Variants in TMEM182 observed in about 807,000 individuals in gnomAD.
TMEM182 encodes transmembrane protein 182.
A neutral mutation model predicts 26.8 loss-of-function variants in TMEM182; 20 were observed. That is an observed-to-expected ratio of 0.75 (90% CI 0.53 to 1.09). TMEM182 has a LOEUF of 1.09. TMEM182 is among the 50% of genes least tolerant of loss of function. The probability of loss-of-function intolerance (pLI) is 0.00; values close to 1 mark genes in which losing one functional copy is unlikely to be tolerated. For synonymous variants in TMEM182, 109 were observed against 102.2 expected, an observed-to-expected ratio of 1.07 and a Z score of -0.40; for missense variants, 277 against 275.5, an observed-to-expected ratio of 1.01 and a Z score of -0.04.
At chr2:102,826,709 T>C (rs569972966) in intron 3 of TMEM182, among the ~76,000 whole-genome samples, 199 of 152,234 alleles carry the variant, frequency 1.3e-3, no homozygotes, top group African/African-American at 4.6e-3. Context: ...TCCTCATTCC[T>C]CCACTCATCT....
At chr2:102,784,639 T>C (rs1681312609) in intron 3 of TMEM182, among the ~76,000 whole-genome samples, 1 of 152,244 alleles carries the variant, frequency 6.6e-6, no homozygotes, top group Non-Finnish European at 1.5e-5. Context: ...AAAGAATGGC[T>C]ACTCCATAGA....
chr2:102,821,400 C>T (rs927685083), downstream of TMEM182, among the ~76,000 whole-genome samples: 4 of 152,010 alleles, frequency 2.6e-5, no homozygotes, highest in Admixed American at 6.5e-5. Context: ...TGAGTTCTCA[C>T]GAGTTGTAAT....
chr2:102,740,950 G>C (rs994409154), intron 1 of TMEM182, among the ~76,000 whole-genome samples: 1 of 152,170 alleles, frequency 6.6e-6, no homozygotes, highest in Non-Finnish European at 1.5e-5. Context: ...GAGTGAAGAA[G>C]CCAAATGAAA....
intron 3 of TMEM182, among the ~76,000 whole-genome samples, chr2:102,772,939 G>GGT (rs71948151): frequency 0.11 from 16,194 of 147,900 alleles, 1,243 homozygotes; most frequent in African/African-American, 0.23. Flanking sequence ...CTCTCTGAAG[G>GGT]GTGTGTGTGT....
In TMEM182 at chr2:102,754,206, G is replaced by A. The variant is rs74678512; in HGVS notation, c.-82-4183G>A. Among the ~76,000 whole-genome samples the A allele has an allele frequency of 1.9e-3, 285 of 152,178 alleles. 4 individuals carry two copies. The East Asian group carries it at 0.047, about 25-fold the overall frequency. ...ACAGTCCCTTATGTGTAATCCTTTG[G>A]GCCAGATGTGTTTAGAACTCAGAAT... On this transcript the variant is annotated intron_variant, in intron 1 of 5. Transcript: ENST00000409173.
intron 3 of TMEM182, among the ~76,000 whole-genome samples, chr2:102,829,295 A>G (rs1164369996): frequency 6.6e-6 from 1 of 152,198 alleles, no homozygotes; most frequent in Non-Finnish European, 1.5e-5. Flanking sequence ...TCCCTAGTTT[A>G]TGCCACAGGA....
At chr2:102,799,171 G>A (rs1682006864) in intron 4 of TMEM182, among the ~76,000 whole-genome samples, 1 of 152,210 alleles carries the variant, frequency 6.6e-6, no homozygotes, top group South Asian at 2.1e-4. Context: ...AAACCAGAGT[G>A]ACAGAGTGCT....
downstream of TMEM182, among the ~76,000 whole-genome samples, chr2:102,819,244 C>T (rs1395698938): frequency 1.3e-5 from 2 of 152,146 alleles, no homozygotes; most frequent in South Asian, 2.1e-4. Context: ...ATGTTAAAAA[C>T]GACCTAAATG....
chr2:102,838,931 C>A (rs953407599), intron 3 of TMEM182, among the ~76,000 whole-genome samples: 2 of 152,128 alleles, frequency 1.3e-5, no homozygotes, highest in Admixed American at 1.3e-4. Context: ...TAAAAAACTG[C>A]CATCTTCGCC....
rs914357314 is a variant in TMEM182, at chr2:102,817,435, T to A, written c.*2467T>A. On this transcript the variant is annotated 3_prime_UTR_variant, in exon 5 of 5. Coordinates refer to ENST00000412401, the MANE Select transcript of TMEM182 (RefSeq NM_144632.5). ...GGTGAAAGCTATCATCTCTCCATAT[T>A]GTATTTGTTCAGCTGGTTTAATTCA... 4.4e-5 allele frequency: 43 copies of A among 985,336 alleles called. No homozygotes were observed. The highest frequency in any genetic ancestry group is 5.1e-5 in the Non-Finnish European group (42 of 829,936). 61.0% of individuals were successfully genotyped at this position (985,336 alleles called of 1,614,324 possible). A position where few individuals can be genotyped will look rare whatever the true frequency, so the allele number is the denominator to read the frequency against.
intron 3 of TMEM182, among the ~76,000 whole-genome samples, chr2:102,764,681 A>G (rs995384257): frequency 2.0e-5 from 3 of 152,134 alleles, no homozygotes; most frequent in African/African-American, 7.2e-5. Context: ...GTGTTTTCCC[A>G]TATGAAGATA....
chr2:102,804,554 G>A (rs1682275621), intron 4 of TMEM182, among the ~76,000 whole-genome samples: 1 of 152,070 alleles, frequency 6.6e-6, no homozygotes, highest in South Asian at 2.1e-4. Context: ...TCCACTTGTT[G>A]GTTGATGGGC....
At chr2:102,778,963 G>A (rs907842651) in intron 3 of TMEM182, among the ~76,000 whole-genome samples, 4 of 151,918 alleles carry the variant, frequency 2.6e-5, no homozygotes, top group Non-Finnish European at 5.9e-5. Flanking sequence ...GTGTTTTTCT[G>A]TTATTTTGCT....
In TMEM182 at chr2:102,764,199, A is replaced by C. The variant is rs1680332080; in HGVS notation, c.233-130A>C. 6 of 855,036 alleles carry C rather than the reference A, an allele frequency of 7.0e-6. No individual in the cohort carries two copies. The South Asian group carries it at 1.0e-4, about 14-fold the overall frequency. The allele number at this position is 855,036 out of a possible 1,614,324, so 53.0% of individuals were successfully genotyped here. ...CCTTCCTCCTCACAACAATTCGCTGAATTTGCTGATGGAACCAGTAGTTTT... is the reference window on the plus strand; with the variant it reads ...CCTTCCTCCTCACAACAATTCGCTGCATTTGCTGATGGAACCAGTAGTTTT... On this transcript the variant is annotated intron_variant, in intron 2 of 4. Transcript: ENST00000412401.
chr2:102,753,194 T>TCCCCC (rs1553436423), intron 1 of TMEM182, among the ~76,000 whole-genome samples: 1 of 138,172 alleles, frequency 7.2e-6, no homozygotes, highest in African/African-American at 2.8e-5. Context: ...GTTTTAAGCT[T>TCCCCC]CCCCCCCCCA....
intron 3 of TMEM182, among the ~76,000 whole-genome samples, chr2:102,793,103 T>G (rs1188314243): frequency 6.6e-6 from 1 of 152,216 alleles, no homozygotes; most frequent in East Asian, 1.9e-4. Flanking sequence ...CAGTGCCTCA[T>G]GTGAGCTTCT....
chr2:102,793,861 T>A (rs1381729343), intron 3 of TMEM182, among the ~76,000 whole-genome samples: 1 of 152,166 alleles, frequency 6.6e-6, no homozygotes, highest in Non-Finnish European at 1.5e-5. Flanking sequence ...TTCCTATTGC[T>A]GAACACAAGA....
At chr2:102,819,973 T>C (rs1682878061), downstream of TMEM182, among the ~76,000 whole-genome samples, 2 of 152,228 alleles carry the variant, frequency 1.3e-5, no homozygotes. Context: ...TCTTTGAACA[T>C]GTTCTGCACA....
intron 3 of TMEM182, among the ~76,000 whole-genome samples, chr2:102,767,606 A>G (rs1484847625): frequency 6.6e-6 from 1 of 152,072 alleles, no homozygotes; most frequent in Admixed American, 6.6e-5. Context: ...GCTTAACTGG[A>G]ATTGTTTGTT....
Sources: gnomAD v4.1 joint callset for allele counts (sites outside exome capture counted in the v4.1 genomes callset) on GRCh38, gnomAD v4.1.1 for gene constraint, MANE v1.5 for transcripts, NCBI Gene and HGNC (gene_info 2026-07-23, HGNC 2026-07-21) for gene names.